The following HIBADH variants were observed in gnomAD, a reference collection of about 807,000 sequenced individuals.
HIBADH encodes the protein 3-hydroxyisobutyrate dehydrogenase, also known as 3-hydroxyisobutyrate dehydrogenase, mitochondrial.
Under a neutral mutation model 36.1 loss-of-function variants are expected in HIBADH, and 25 were observed. The ratio of observed to expected loss-of-function variants is 0.69; its 90% CI spans 0.50 to 0.97. The LOEUF (loss-of-function observed/expected upper bound fraction) is 0.97, where lower values mean the gene tolerates loss of function less well. Ranked by LOEUF, HIBADH falls within the 50% of genes least tolerant of loss-of-function variation. The probability of loss-of-function intolerance (pLI) is 0.00; values close to 1 mark genes in which losing one functional copy is unlikely to be tolerated. For missense variants in HIBADH, 421 were observed against 418.0 expected (o/e 1.01, Z -0.06); for synonymous variants, 160 against 149.5 (o/e 1.07, Z -0.51).
rs774317331 is a variant in HIBADH, at chr7:27,543,027, T to C, written c.558A>G (p.Gln186=). The part of the protein sequence containing the change: ...GGVEDEFAAA[Q]ELLGCMGSNV... ...TGGAGCCCATGCACCCCAGCAACTC[T>C]TGGGCAGCAGCAAATTCATCTTCAA... The change falls in exon 5 of 8, where the codon CAA becomes CAG. Residue 186 remains glutamine, a synonymous_variant. Transcript: ENST00000265395. The C allele has an allele frequency of 5.6e-6, 9 of 1,613,764 alleles. No homozygotes were observed. Among genetic ancestry groups the C allele is most frequent in the Non-Finnish European group, 3.4e-6 (4 of 1,179,808 alleles).
At chr7:27,628,893 T>C (rs934129548) in intron 4 of HIBADH, among the ~76,000 whole-genome samples, 8 of 152,246 alleles carry the variant, frequency 5.3e-5, no homozygotes, top group African/African-American at 1.9e-4. Flanking sequence ...AAGTATTTCC[T>C]CTTTTCCTGT....
intron 1 of HIBADH, among the ~76,000 whole-genome samples, chr7:27,654,596 T>C (rs1205801046): frequency 6.6e-6 from 1 of 152,046 alleles, no homozygotes; most frequent in Non-Finnish European, 1.5e-5. Context: ...ACTATCAAGC[T>C]AGAAATCTAT....
At chr7:27,526,822 A>T (rs1284951117) in intron 7 of HIBADH, among the ~76,000 whole-genome samples, 1 of 152,224 alleles carries the variant, frequency 6.6e-6, no homozygotes, top group African/African-American at 2.4e-5. Flanking sequence ...GGATAAAATG[A>T]TGAGCAAAAC....
intron 4 of HIBADH, among the ~76,000 whole-genome samples, chr7:27,577,593 C>A (rs17155505): frequency 0.2 from 31,007 of 151,998 alleles, 4,124 homozygotes; most frequent in East Asian, 0.51. Flanking sequence ...ACTTGCAACC[C>A]AGGTACACTC....
intron 4 of HIBADH, among the ~76,000 whole-genome samples, chr7:27,608,321 T>C (rs890788101): frequency 1.3e-5 from 2 of 152,210 alleles, no homozygotes; most frequent in Non-Finnish European, 2.9e-5. Context: ...TCTGCTGCCA[T>C]ACTTTCCTTG....
At chr7:27,651,349 CACTGGTATAATAGT>C in intron 1 of HIBADH, among the ~76,000 whole-genome samples, 2 of 7,386 alleles carry the variant, frequency 2.7e-4, no homozygotes, top group Admixed American at 1.4e-3. Flanking sequence ...AAGTTTAATA[CACTGGTATAATAGT>C]ACACTGGTAT....
At chr7:27,642,969 G>A (rs1340759807) in intron 2 of HIBADH, among the ~76,000 whole-genome samples, 2 of 152,162 alleles carry the variant, frequency 1.3e-5, no homozygotes, top group Non-Finnish European at 2.9e-5. Context: ...AGTCTTTAGA[G>A]AGAATTCCCC....
chr7:27,600,893 A>G (rs961951425), intron 4 of HIBADH, among the ~76,000 whole-genome samples: 1 of 152,134 alleles, frequency 6.6e-6, no homozygotes, highest in Non-Finnish European at 1.5e-5. Flanking sequence ...GAAATCTATG[A>G]GTTATGAAGC....
chr7:27,627,908 T>C (rs1302218947), intron 4 of HIBADH, among the ~76,000 whole-genome samples: 3 of 152,212 alleles, frequency 2.0e-5, no homozygotes, highest in Admixed American at 1.3e-4. Flanking sequence ...CATAAGATTA[T>C]ATTTTAAAGG....
At chr7:27,635,100 G>GTC (rs961569226) in intron 2 of HIBADH, among the ~76,000 whole-genome samples, 1 of 151,784 alleles carries the variant, frequency 6.6e-6, no homozygotes, top group African/African-American at 2.4e-5. Context: ...GTGTGTGTGT[G>GTC]TGTGTGTGTG....
At chr7:27,557,930 G>A (rs1784416674) in intron 4 of HIBADH, among the ~76,000 whole-genome samples, 1 of 152,132 alleles carries the variant, frequency 6.6e-6, no homozygotes, top group South Asian at 2.1e-4. Context: ...TTCCTTCTTA[G>A]TAATGGCTGT....
intron 4 of HIBADH, among the ~76,000 whole-genome samples, chr7:27,595,369 T>C (rs1785014140): frequency 6.6e-6 from 1 of 151,878 alleles, no homozygotes; most frequent in Admixed American, 6.6e-5. Context: ...AGTACAAAAA[T>C]TAGCCAGGCA....
chr7:27,628,918 C>T (rs553307683), intron 4 of HIBADH, among the ~76,000 whole-genome samples: 2 of 152,074 alleles, frequency 1.3e-5, no homozygotes, highest in South Asian at 2.1e-4. Flanking sequence ...TGGAAAAGTT[C>T]GTATAAAATT....
At chr7:27,590,294 T>C (rs550053932) in intron 4 of HIBADH, among the ~76,000 whole-genome samples, 1 of 152,296 alleles carries the variant, frequency 6.6e-6, no homozygotes, top group African/African-American at 2.4e-5. Flanking sequence ...ACACAACAGA[T>C]AGAGGAAATA....
At chr7:27,529,842 C>T (rs989219956) in intron 7 of HIBADH, among the ~76,000 whole-genome samples, 3 of 152,172 alleles carry the variant, frequency 2.0e-5, no homozygotes, top group African/African-American at 7.2e-5. Context: ...ACTTAAACTT[C>T]ATTACTGTCC....
At chr7:27,614,633 A>G (rs1383243546) in intron 4 of HIBADH, among the ~76,000 whole-genome samples, 1 of 152,230 alleles carries the variant, frequency 6.6e-6, no homozygotes, top group African/African-American at 2.4e-5. Context: ...ATTTCATACT[A>G]TCATTGTTGC....
intron 6 of HIBADH, among the ~76,000 whole-genome samples, chr7:27,537,256 C>T (rs1055826797): frequency 3.3e-5 from 5 of 152,094 alleles, no homozygotes; most frequent in Admixed American, 6.6e-5. Context: ...TTAGTGCTGA[C>T]GCAAAGCAAA....
At chr7:27,544,771 A>C (rs1226061134) in intron 4 of HIBADH, among the ~76,000 whole-genome samples, 1 of 152,226 alleles carries the variant, frequency 6.6e-6, no homozygotes, top group African/African-American at 2.4e-5. Context: ...CAGACTGCTA[A>C]ATAGCTTCGG....
chr7:27,579,308 C>T (rs1583579326), intron 4 of HIBADH, among the ~76,000 whole-genome samples: 3 of 152,008 alleles, frequency 2.0e-5, no homozygotes, highest in Non-Finnish European at 2.9e-5. Context: ...TTATGTGGCA[C>T]GGGGCTGAAG....
Sources: allele counts gnomAD v4.1 joint callset (sites outside exome capture counted in the v4.1 genomes callset), GRCh38; gene constraint gnomAD v4.1.1; transcripts MANE v1.5; gene names NCBI Gene and HGNC (gene_info 2026-07-23, HGNC 2026-07-21).